The following AGAP1 variants were observed in gnomAD, a reference collection of about 807,000 sequenced individuals.
AGAP1 encodes the protein ArfGAP with GTPase domain, ankyrin repeat and PH domain 1, also known as arf-GAP with GTPase, ANK repeat and PH domain-containing protein 1.
A neutral mutation model predicts 105.3 loss-of-function variants in AGAP1; 29 were observed. The observed-to-expected ratio is 0.28, with a 90% CI of 0.21 to 0.38. The LOEUF is 0.38. Among genes scored for constraint, AGAP1 ranks in the 10% least tolerant of loss-of-function variants. AGAP1 has a pLI of 1.00. For missense variants in AGAP1, 998 were observed against 1,165.1 expected, an observed-to-expected ratio of 0.86 and a Z score of 2.09; for synonymous variants, 509 against 485.9, an observed-to-expected ratio of 1.05 and a Z score of -0.63.
rs190782117 is a variant in AGAP1 at position 235,730,257 on chromosome 2, C to T, written c.311-10706C>T. Among the ~76,000 whole-genome samples the T allele has an allele frequency of 6.4e-4, 97 of 152,116 alleles. 1 individual carries two copies. Among genetic ancestry groups the T allele is most frequent in the African/African-American group, 1.8e-3 (75 of 41,450 alleles). On this transcript the variant is annotated intron_variant, in intron 3 of 17. Coordinates refer to ENST00000304032, the MANE Select transcript of AGAP1 (RefSeq NM_001037131.3). ...AAATAGGGTCTGAGGGACAAGGAGC[C>T]TGTGTGCCCGTGTCGGCAGCCGAGT...
intron 12 of AGAP1, among the ~76,000 whole-genome samples, chr2:235,966,811 G>T (rs535474740): frequency 1.3e-5 from 2 of 152,098 alleles, no homozygotes; most frequent in Non-Finnish European, 2.9e-5. Context: ...TGACGCTTCC[G>T]ACTGTGCAGA....
chr2:235,628,538 G>A (rs927310961), intron 1 of AGAP1, among the ~76,000 whole-genome samples: 1 of 152,138 alleles, frequency 6.6e-6, no homozygotes, highest in East Asian at 1.9e-4. Flanking sequence ...TTCTGGAAGA[G>A]CCCAGGGTAT....
In AGAP1 at chr2:235,934,036, G is replaced by T. The variant is rs1559665537; in HGVS notation, c.1483+3113G>T. On this transcript the variant is annotated intron_variant, in intron 12 of 17. Coordinates refer to ENST00000304032, the MANE Select transcript of AGAP1 (RefSeq NM_001037131.3). This position sits in a 1 kb window ranked among gnomAD's most constrained non-coding sequence, Gnocchi z 4.9. The stretch of plus-strand genomic sequence containing the variant: ...TGTCACTTGCTCAAAGTCACATCCT[G>T]TGAGGGGCCAGGATTCAAACTCAGG... 6.6e-6 allele frequency among the ~76,000 whole-genome samples: 1 copy of T among 152,198 alleles called. No individual in the cohort carries two copies. The highest frequency in any genetic ancestry group is 6.5e-5 in the Admixed American group (1 of 15,272).
chr2:235,887,404 C>T lies in AGAP1; in HGVS notation c.1155+3955C>T, dbSNP rs2050322898. Among the ~76,000 whole-genome samples the T allele has an allele frequency of 6.6e-6, 1 of 152,218 alleles. No individual in the cohort carries two copies. Among genetic ancestry groups the T allele is most frequent in the African/African-American group, 2.4e-5 (1 of 41,446 alleles). ...ATGGGAACCTGCCTCCTTTTCTCTCCTCTGGGATTCAGGCCCATGTCCAGC... is the reference window on the plus strand; with the variant it reads ...ATGGGAACCTGCCTCCTTTTCTCTCTTCTGGGATTCAGGCCCATGTCCAGC... On this transcript the variant is annotated intron_variant, in intron 10 of 17. Transcript: ENST00000304032. This position sits in a 1 kb window ranked among gnomAD's most constrained non-coding sequence, Gnocchi z 4.1.
At position 235,591,457 on chromosome 2, in the gene AGAP1, G is replaced by A. The variant is rs1945336999; in HGVS notation, c.163+96608G>A. On this transcript the variant is annotated intron_variant, in intron 1 of 17. Transcript: ENST00000304032. ...ATGCACAACAAAGGCGCACGGATTT[G>A]GGTTTAGAGGCTTAATCCCTCCTTC... Among the ~76,000 whole-genome samples the A allele has an allele frequency of 2.0e-5, 3 of 152,172 alleles. No homozygotes were observed. In the South Asian group the frequency reaches 6.2e-4, roughly 32 times the overall value.
intron 9 of AGAP1, among the ~76,000 whole-genome samples, chr2:235,833,078 T>C (rs531994169): frequency 0.013 from 1,968 of 152,210 alleles, 37 homozygotes; most frequent in South Asian, 0.082. Context: ...CCAGGGAGCA[T>C]GGTAGAAGAG....
chr2:236,107,839 A>G (rs994141687), intron 16 of AGAP1, among the ~76,000 whole-genome samples: 3 of 152,212 alleles, frequency 2.0e-5, no homozygotes, highest in Non-Finnish European at 2.9e-5. Flanking sequence ...GGCCGGGCAC[A>G]TTTAACTGTG....
At position 235,959,711 on chromosome 2, in the gene AGAP1, G is replaced by A. The variant is rs777306016; in HGVS notation, c.1484-8751G>A. On this transcript the variant is annotated intron_variant, in intron 12 of 17. Coordinates refer to ENST00000304032, the MANE Select transcript of AGAP1 (RefSeq NM_001037131.3). The surrounding 1 kb of genome is among the most constrained non-coding windows in gnomAD (Gnocchi z 7.3). Reference sequence around the variant, plus strand: ...TCAGCACCATGATGGCCACTCCCTCGTGTAGCCGGTTCCCCTGCTGCTGCA... The same window carrying A: ...TCAGCACCATGATGGCCACTCCCTCATGTAGCCGGTTCCCCTGCTGCTGCA... Among the ~76,000 whole-genome samples, 9 of 152,052 alleles carry A rather than the reference G, an allele frequency of 5.9e-5. No individual in the cohort carries two copies. Among genetic ancestry groups the A allele is most frequent in the Admixed American group, 2.0e-4 (3 of 15,280 alleles).
At chr2:235,783,346 T>C (rs1249742439) in intron 6 of AGAP1, 3 of 471,402 alleles carry the variant, frequency 6.4e-6, no homozygotes, top group Non-Finnish European at 1.3e-5. Context: ...GTATGCTTAA[T>C]GTTCTAAAAG....
chr2:235,547,356 CT>C (rs565421160), intron 1 of AGAP1, among the ~76,000 whole-genome samples: 566 of 135,420 alleles, frequency 4.2e-3, no homozygotes, highest in African/African-American at 9.0e-3. Flanking sequence ...CTTACATTGA[CT>C]TTTTTTTTTT....
rs186018005 is a variant in AGAP1 at position 236,001,054 on chromosome 2, G to A, written c.1645+32431G>A. On this transcript the variant is annotated intron_variant, in intron 13 of 17. Coordinates refer to ENST00000304032, the MANE Select transcript of AGAP1 (RefSeq NM_001037131.3). This position sits in a 1 kb window ranked among gnomAD's most constrained non-coding sequence, Gnocchi z 4.7. ...AGAATGTGGCCTCATATGGAACTAG[G>A]GTCATGGCAGATGTCATTAGCTATA... Among the ~76,000 whole-genome samples, 94 of 152,326 alleles carry A rather than the reference G, an allele frequency of 6.2e-4. No homozygotes were observed. The highest frequency in any genetic ancestry group is 2.2e-3 in the African/African-American group (92 of 41,578).
rs1191991214 is a variant in AGAP1, at chr2:235,900,673, C to CAA, written c.1156-8062_1156-8061dup. Among the ~76,000 whole-genome samples, 1 of 152,172 alleles carries CAA rather than the reference C, an allele frequency of 6.6e-6. No homozygotes were observed. The highest frequency in any genetic ancestry group is 6.5e-5 in the Admixed American group (1 of 15,268). ...CTAGTTGGCATTGTAATTGTGACTT[C>CAA]AAAAGGCCATTCCACCATTCTATTA... On this transcript the variant is annotated intron_variant, in intron 10 of 17. Transcript: ENST00000304032. This position sits in a 1 kb window ranked among gnomAD's most constrained non-coding sequence, Gnocchi z 5.5.
rs910286345 is a variant in AGAP1, at chr2:235,741,756, T to C, written c.396+708T>C. Among the ~76,000 whole-genome samples the C allele has an allele frequency of 1.3e-5, 2 of 150,082 alleles. No individual in the cohort carries two copies. The highest frequency in any genetic ancestry group is 2.5e-5 in the African/African-American group (1 of 40,356). On this transcript the variant is annotated intron_variant, in intron 4 of 17. Transcript: ENST00000304032. This position sits in a 1 kb window ranked among gnomAD's most constrained non-coding sequence, Gnocchi z 4.9. ...ATTATTATTGTTATTTTTTATTATT[T>C]ATTTATTTTTTTTTTTTGAGACAGT...
At position 235,908,519 on chromosome 2, in the gene AGAP1, C is replaced by G. The variant is rs992657703; in HGVS notation, c.1156-219C>G. On this transcript the variant is annotated intron_variant, in intron 10 of 17. Coordinates refer to ENST00000304032, the MANE Select transcript of AGAP1 (RefSeq NM_001037131.3). The surrounding 1 kb of genome is among the most constrained non-coding windows in gnomAD (Gnocchi z 4.4). ...GTGTCTCTCCTTACATCTCTAGGTC[C>G]TGGATTAGTTCAGGACACAGAAGCA... 3.3e-5 allele frequency among the ~76,000 whole-genome samples: 5 copies of G among 151,994 alleles called. No individual in the cohort carries two copies. Among genetic ancestry groups the G allele is most frequent in the African/African-American group, 1.2e-4 (5 of 41,358 alleles).
At chr2:235,782,367 A>T (rs770825645) in intron 6 of AGAP1, among the ~76,000 whole-genome samples, 21 of 152,124 alleles carry the variant, frequency 1.4e-4, no homozygotes, top group Non-Finnish European at 5.9e-5. Context: ...GGAAATAGCC[A>T]GTTTTCTATA....
intron 11 of AGAP1, among the ~76,000 whole-genome samples, chr2:235,923,529 C>G (rs1297291614): frequency 6.6e-6 from 1 of 151,404 alleles, no homozygotes; most frequent in Non-Finnish European, 1.5e-5. Flanking sequence ...CACCCCACCC[C>G]ACTCACAAGG....
intron 12 of AGAP1, among the ~76,000 whole-genome samples, chr2:235,948,633 AGTCT>A (rs1364750915): frequency 6.6e-6 from 1 of 152,168 alleles, no homozygotes; most frequent in Non-Finnish European, 1.5e-5. Context: ...GAGTGCAGTG[AGTCT>A]GTCTTTGTAG....
At chr2:235,826,305 A>G (rs1177817154) in intron 9 of AGAP1, among the ~76,000 whole-genome samples, 1 of 152,258 alleles carries the variant, frequency 6.6e-6, no homozygotes, top group Non-Finnish European at 1.5e-5. Context: ...GCCAACTCAG[A>G]GATGCTGCTT....
At chr2:235,547,504 A>G (rs1012244242) in intron 1 of AGAP1, among the ~76,000 whole-genome samples, 8 of 151,884 alleles carry the variant, frequency 5.3e-5, no homozygotes, top group African/African-American at 9.7e-5. Flanking sequence ...GATTACAGAC[A>G]TGCACCACCA....
Sources: gnomAD v4.1 joint callset for allele counts (sites outside exome capture counted in the v4.1 genomes callset) on GRCh38, gnomAD v4.1.1 for gene constraint, Gnocchi (gnomAD v3.1) non-coding constraint, MANE v1.5 for transcripts, NCBI Gene and HGNC (gene_info 2026-07-23, HGNC 2026-07-21) for gene names.